The following TOX3 variants were observed in gnomAD, a reference collection of about 807,000 sequenced individuals.
TOX3 encodes CAG trinucleotide repeat-containing gene F9 protein.
Under a neutral mutation model 64.3 loss-of-function variants are expected in TOX3, and 22 were observed. That is an observed-to-expected ratio of 0.34 (90% CI 0.24 to 0.49). The LOEUF (loss-of-function observed/expected upper bound fraction) is 0.49, where lower values mean the gene tolerates loss of function less well. TOX3 is among the 20% of genes least tolerant of loss of function. The probability of loss-of-function intolerance (pLI) is 0.99; values close to 1 mark genes in which losing one functional copy is unlikely to be tolerated. For missense variants in TOX3, 661 were observed against 714.4 expected, an observed-to-expected ratio of 0.93 and a Z score of 0.85; for synonymous variants, 291 against 273.6, an observed-to-expected ratio of 1.06 and a Z score of -0.63.
chr16:52,439,036 G>A lies in TOX3; in HGVS notation c.*189C>T. Reference sequence around the variant, plus strand: ...TTGTTTAAAAACAAAGTGATTTATAGTCAGCTAAAAGATGTTACTCAGCTA... The same window carrying A: ...TTGTTTAAAAACAAAGTGATTTATAATCAGCTAAAAGATGTTACTCAGCTA... On this transcript the variant is annotated 3_prime_UTR_variant, in exon 7 of 7. Transcript: ENST00000219746. The A allele has an allele frequency of 2.4e-6, 2 of 839,360 alleles. No individual in the cohort carries two copies. The highest frequency in any genetic ancestry group is 4.0e-6 in the Non-Finnish European group (2 of 503,156). 52.0% of individuals were successfully genotyped at this position (839,360 alleles called of 1,614,324 possible). A position where few individuals can be genotyped will look rare whatever the true frequency, so the allele number is the denominator to read the frequency against.
At chr16:52,482,329 T>C (rs1332211334) in intron 1 of TOX3, among the ~76,000 whole-genome samples, 2 of 152,202 alleles carry the variant, frequency 1.3e-5, no homozygotes, top group East Asian at 1.9e-4. Context: ...AACATTTCCT[T>C]ACAAACATTT....
chr16:52,478,048 A>G (rs964714045), intron 1 of TOX3, among the ~76,000 whole-genome samples: 1 of 152,204 alleles, frequency 6.6e-6, no homozygotes, highest in Non-Finnish European at 1.5e-5. Context: ...TGACATTTCA[A>G]TGAGTTTTGA....
At chr16:52,491,314 G>A (rs1473318702) in intron 1 of TOX3, among the ~76,000 whole-genome samples, 1 of 151,952 alleles carries the variant, frequency 6.6e-6, no homozygotes, top group Non-Finnish European at 1.5e-5. Flanking sequence ...CTACACTGAA[G>A]CCCTTTCACA....
chr16:52,487,303 T>TG, intron 1 of TOX3, among the ~76,000 whole-genome samples: 1 of 96,926 alleles, frequency 1.0e-5, no homozygotes, highest in Non-Finnish European at 1.9e-5. Context: ...CTGAGTCAGA[T>TG]GGAAAAAAAA....
intron 3 of TOX3, among the ~76,000 whole-genome samples, chr16:52,452,296 A>G (rs1163886013): frequency 1.3e-5 from 2 of 152,206 alleles, no homozygotes; most frequent in African/African-American, 4.8e-5. Flanking sequence ...ATACAAAAGT[A>G]AACATTGTTC....
At chr16:52,517,337 A>G (rs984715506) in intron 1 of TOX3, among the ~76,000 whole-genome samples, 1 of 152,142 alleles carries the variant, frequency 6.6e-6, no homozygotes, top group African/African-American at 2.4e-5. Flanking sequence ...CGCCACCTCC[A>G]CCTGTGCCTC....
chr16:52,495,677 G>A (rs1226552024), intron 1 of TOX3, among the ~76,000 whole-genome samples: 2 of 152,046 alleles, frequency 1.3e-5, no homozygotes, highest in South Asian at 2.1e-4. Context: ...CTACCACCAC[G>A]GTGTTAACAC....
At chr16:52,472,377 T>A (rs140040229) in intron 1 of TOX3, among the ~76,000 whole-genome samples, 76 of 152,298 alleles carry the variant, frequency 5.0e-4, no homozygotes, top group African/African-American at 1.7e-3. Context: ...GAAATCACAG[T>A]TTGGGAAGGC....
At chr16:52,500,242 G>A (rs1961965256) in intron 1 of TOX3, among the ~76,000 whole-genome samples, 1 of 152,124 alleles carries the variant, frequency 6.6e-6, no homozygotes, top group African/African-American at 2.4e-5. Context: ...TAAACATTTA[G>A]GTTATTAGAG....
At chr16:52,443,523 C>G (rs1341677306) in intron 6 of TOX3, among the ~76,000 whole-genome samples, 1 of 152,142 alleles carries the variant, frequency 6.6e-6, no homozygotes, top group Non-Finnish European at 1.5e-5. Flanking sequence ...GTACTTGAGA[C>G]AGCAACAGTG....
chr16:52,459,494 T>C (rs1356397497), intron 3 of TOX3, among the ~76,000 whole-genome samples: 1 of 152,174 alleles, frequency 6.6e-6, no homozygotes, highest in African/African-American at 2.4e-5. Context: ...ACATTGTTAA[T>C]TTATAATAAA....
At chr16:52,494,176 T>A (rs1596824912) in intron 1 of TOX3, among the ~76,000 whole-genome samples, 2 of 152,298 alleles carry the variant, frequency 1.3e-5, no homozygotes, top group African/African-American at 4.8e-5. Context: ...CCATCATAAA[T>A]CATTATGGGC....
chr16:52,525,033 A>C (rs1962697053), intron 1 of TOX3, among the ~76,000 whole-genome samples: 1 of 152,056 alleles, frequency 6.6e-6, no homozygotes, highest in Admixed American at 6.6e-5. Context: ...AAGATATTTG[A>C]GGGAAAAAAG....
intron 1 of TOX3, among the ~76,000 whole-genome samples, chr16:52,545,160 A>C (rs1432089977): frequency 6.6e-6 from 1 of 152,244 alleles, no homozygotes; most frequent in African/African-American, 2.4e-5. Context: ...CAGAGGACAC[A>C]AACTAATCCT....
At chr16:52,490,662 C>T (rs1961657572) in intron 1 of TOX3, among the ~76,000 whole-genome samples, 1 of 96,122 alleles carries the variant, frequency 1.0e-5, no homozygotes, top group Non-Finnish European at 2.0e-5. Flanking sequence ...CAGGGTCTTG[C>T]TCTGTCACCC....
intron 1 of TOX3, 124 bp downstream of exon 1, chr16:52,546,513 G>C: frequency 1.2e-6 from 1 of 852,100 alleles, no homozygotes; most frequent in Admixed American, 2.7e-5. Context: ...AGGCTCAAAG[G>C]TAGAAGAGAC....
chr16:52,478,424 G>A (rs928010580), intron 1 of TOX3, among the ~76,000 whole-genome samples: 2 of 152,168 alleles, frequency 1.3e-5, no homozygotes, highest in African/African-American at 4.8e-5. Flanking sequence ...TCCCAGGTCA[G>A]CTTAGCTAAA....
At chr16:52,478,405 A>C (rs1961278283) in intron 1 of TOX3, among the ~76,000 whole-genome samples, 1 of 152,134 alleles carries the variant, frequency 6.6e-6, no homozygotes, top group South Asian at 2.1e-4. Context: ...TTCACTCCTC[A>C]GGGAGTCCTC....
chr16:52,446,339 TCAC>T (rs1960162885), intron 4 of TOX3, 118 bp from the exon 5 acceptor site: 1 of 1,055,524 alleles, frequency 9.5e-7, no homozygotes, highest in African/African-American at 1.6e-5. Context: ...AACAGATGAA[TCAC>T]CACCAAAAGC....
Sources: allele counts gnomAD v4.1 joint callset (sites outside exome capture counted in the v4.1 genomes callset), GRCh38; gene constraint gnomAD v4.1.1; transcripts MANE v1.5; gene names NCBI Gene and HGNC (gene_info 2026-07-23, HGNC 2026-07-21).